The following CFAP36 variants were observed in gnomAD, a reference collection of about 807,000 sequenced individuals.
CFAP36 encodes cilia and flagella associated protein 36.
In CFAP36, 37 loss-of-function variants were observed where a neutral mutation model predicts 50.5. The ratio of observed to expected loss-of-function variants is 0.73; its 90% CI spans 0.56 to 0.96. CFAP36 has a LOEUF of 0.96. CFAP36 is among the 50% of genes least tolerant of loss of function. CFAP36 has a pLI of 0.00. For missense variants in CFAP36, 407 were observed against 396.2 expected (o/e 1.03, Z -0.23); for synonymous variants, 138 against 128.2 (o/e 1.08, Z -0.52).
intron 7 of CFAP36, among the ~76,000 whole-genome samples, chr2:55,538,078 G>A (rs1684539537): frequency 6.6e-6 from 1 of 152,194 alleles, no homozygotes; most frequent in East Asian, 1.9e-4. Flanking sequence ...ATCCTTGTAG[G>A]AAATACTAGT....
chr2:55,537,220 A>G (rs1234007172), intron 6 of CFAP36, among the ~76,000 whole-genome samples: 1 of 152,048 alleles, frequency 6.6e-6, no homozygotes, highest in Non-Finnish European at 1.5e-5. Context: ...AAAATGCAAC[A>G]ATTAGCCGAG....
intron 7 of CFAP36, chr2:55,538,800 C>T: frequency 1.3e-6 from 2 of 1,546,304 alleles, no homozygotes; most frequent in Non-Finnish European, 1.7e-6. Context: ...TCCAAGATCA[C>T]CGAACTCTTC....
At chr2:55,533,708 A>ATATAT (rs60588706) in intron 4 of CFAP36, among the ~76,000 whole-genome samples, 165 bp from the exon 5 acceptor site, 1 of 138,924 alleles carries the variant, frequency 7.2e-6, no homozygotes, top group Admixed American at 7.2e-5. Flanking sequence ...AAAAAAAAAA[A>ATATAT]ATATATATAT....
chr2:55,530,901 G>A (rs1430304571), intron 4 of CFAP36: 1 of 152,130 alleles, frequency 6.6e-6, no homozygotes, highest in Non-Finnish European at 1.5e-5. Context: ...TGGCTCTTAA[G>A]GGCCTGGAAC....
intron 5 of CFAP36, 32 bp from the exon 6 acceptor site, chr2:55,535,680 T>G: frequency 2.0e-6 from 3 of 1,477,844 alleles, no homozygotes; most frequent in South Asian, 2.8e-5. Context: ...AAAAGGAAAT[T>G]TATCTTTTTA....
intron 7 of CFAP36, chr2:55,538,692 C>G (rs887024321): frequency 8.1e-5 from 106 of 1,310,438 alleles, no homozygotes; most frequent in Admixed American, 6.7e-4. Flanking sequence ...ATCCTCCTGC[C>G]TCAGCCTCCC....
chr2:55,527,564 A>C (rs1383127457), intron 3 of CFAP36, among the ~76,000 whole-genome samples: 1 of 151,956 alleles, frequency 6.6e-6, no homozygotes, highest in Non-Finnish European at 1.5e-5. Flanking sequence ...CCTGGGTGAC[A>C]GAACAAGACT....
In CFAP36 at chr2:55,520,399, C is replaced by A. The variant is rs531863679; in HGVS notation, c.115+483C>A. 3.9e-6 allele frequency: 6 copies of A among 1,537,410 alleles called. No homozygotes were observed. In the East Asian group the frequency reaches 1.5e-4, roughly 38 times the overall value. On this transcript the variant is annotated intron_variant, in intron 1 of 9. Coordinates refer to ENST00000349456, the MANE Select transcript of CFAP36 (RefSeq NM_080667.7). ...AATGAGAAATGATTTCACTCCAAAC[C>A]AACAGTTAACTGCAAAGGAGGGCAT...
At chr2:55,525,124 T>C (rs993988980) in intron 3 of CFAP36, among the ~76,000 whole-genome samples, 1 of 152,122 alleles carries the variant, frequency 6.6e-6, no homozygotes, top group African/African-American at 2.4e-5. Flanking sequence ...AGGGTGAGGA[T>C]TGGGATATGT....
intron 7 of CFAP36, among the ~76,000 whole-genome samples, chr2:55,543,502 T>G (rs899916882): frequency 1.3e-5 from 2 of 152,210 alleles, no homozygotes. Flanking sequence ...AAAATTATAG[T>G]TTTACATTAA....
intron 4 of CFAP36, among the ~76,000 whole-genome samples, chr2:55,533,442 G>A (rs9808054): frequency 0.12 from 17,610 of 151,946 alleles, 2,696 homozygotes; most frequent in African/African-American, 0.35. Flanking sequence ...GGTGGCTCAC[G>A]TCTGTAATCC....
intron 1 of CFAP36, chr2:55,520,356 G>A: frequency 6.8e-7 from 1 of 1,459,988 alleles, no homozygotes; most frequent in South Asian, 1.3e-5. Context: ...CATTTCGCCC[G>A]GTGTAGTCAG....
At position 55,519,753 on chromosome 2, in the gene CFAP36, G is replaced by GA. The variant is rs749455352; in HGVS notation, c.-49_-48insA. On this transcript the variant is annotated 5_prime_UTR_variant, in exon 1 of 10. Coordinates refer to ENST00000349456, the MANE Select transcript of CFAP36 (RefSeq NM_080667.7). The stretch of plus-strand genomic sequence containing the variant: ...CTTGTGGCCCAAAGGCCTAACCGGG[G>GA]TCCGGCGGTCTGGCCTAGGGATCTT... 4.4e-6 allele frequency: 7 copies of GA among 1,595,382 alleles called. No individual in the cohort carries two copies. The African/African-American group carries it at 9.4e-5, about 21-fold the overall frequency.
At chr2:55,544,679 GCATCAGTACCACCTTTATCATAGAGCA>G (rs1175788257) in intron 9 of CFAP36, among the ~76,000 whole-genome samples, 2 of 152,124 alleles carry the variant, frequency 1.3e-5, no homozygotes, top group Non-Finnish European at 2.9e-5. Flanking sequence ...TCATAGAGCA[GCATCAGTACCACCTTTATCATAGAGCA>G]CATCAGCCAC....
At chr2:55,540,733 G>A (rs997670814) in intron 7 of CFAP36, among the ~76,000 whole-genome samples, 1 of 152,130 alleles carries the variant, frequency 6.6e-6, no homozygotes, top group African/African-American at 2.4e-5. Flanking sequence ...GGAATAGGCC[G>A]GGCATGGTGG....
intron 7 of CFAP36, among the ~76,000 whole-genome samples, chr2:55,543,558 T>G (rs952760365): frequency 3.3e-5 from 5 of 152,216 alleles, no homozygotes; most frequent in Non-Finnish European, 7.3e-5. Flanking sequence ...AGCAAAAGTT[T>G]GGAAACCAAT....
In CFAP36 at chr2:55,544,894, CTT is replaced by C. The variant is rs142096038; in HGVS notation, c.928-5_928-4del. On this transcript the variant is annotated splice_polypyrimidine_tract_variant and intron_variant, in intron 9 of 9. Coordinates refer to ENST00000349456, the MANE Select transcript of CFAP36 (RefSeq NM_080667.7). Reference sequence around the variant, plus strand: ...TATTTCATACTGTAGCCAATTTTTTCTTTTTTTTTCAGGAAATGACAGAGAAA... The same window carrying C: ...TATTTCATACTGTAGCCAATTTTTTCTTTTTTTCAGGAAATGACAGAGAAA... The C allele has an allele frequency of 1.2e-5, 18 of 1,515,864 alleles. No individual in the cohort carries two copies. The highest frequency in any genetic ancestry group is 1.6e-5 in the Non-Finnish European group (18 of 1,115,476). The allele number at this position is 1,515,864 out of a possible 1,614,324, so 93.9% of individuals were successfully genotyped here.
At chr2:55,527,342 G>A (rs1169989330) in intron 3 of CFAP36, among the ~76,000 whole-genome samples, 1 of 151,966 alleles carries the variant, frequency 6.6e-6, no homozygotes, top group Non-Finnish European at 1.5e-5. Context: ...CAGAACTTTG[G>A]GAGGCCGAGG....
chr2:55,527,210 A>C (rs948773665), intron 3 of CFAP36, among the ~76,000 whole-genome samples: 3 of 152,220 alleles, frequency 2.0e-5, no homozygotes, highest in African/African-American at 7.2e-5. Context: ...ACATGATTAT[A>C]GTTGGAGACT....
Sources: gnomAD v4.1 joint callset for allele counts (sites outside exome capture counted in the v4.1 genomes callset) on GRCh38, gnomAD v4.1.1 for gene constraint, MANE v1.5 for transcripts, NCBI Gene and HGNC (gene_info 2026-07-23, HGNC 2026-07-21) for gene names.